COL13A1: variants seen among roughly 807,000 people sequenced by gnomAD.
The protein encoded by COL13A1 is collagen type XIII alpha 1 chain.
In COL13A1, 89 loss-of-function variants were observed where a neutral mutation model predicts 130.9. The ratio of observed to expected loss-of-function variants is 0.68; its 90% CI spans 0.57 to 0.81. COL13A1 has a LOEUF of 0.81. COL13A1 is among the 30% of genes least tolerant of loss of function. The pLI is 0.00. For missense variants in COL13A1, 879 were observed against 934.6 expected (o/e 0.94, Z 0.78); for synonymous variants, 402 against 341.6 (o/e 1.18, Z -1.95).
At chr10:69,938,092 A>C (rs892660637) in intron 34 of COL13A1, among the ~76,000 whole-genome samples, 1 of 152,144 alleles carries the variant, frequency 6.6e-6, no homozygotes, top group African/African-American at 2.4e-5. Context: ...ATTACAGTCC[A>C]TTTTCCCAGA....
chr10:69,823,488 C>A (rs1324486029), intron 2 of COL13A1, among the ~76,000 whole-genome samples: 1 of 152,230 alleles, frequency 6.6e-6, no homozygotes. Context: ...TCGATACCCA[C>A]GGTGGCAGGT....
At chr10:69,949,945 T>C (rs1413873388) in intron 38 of COL13A1, among the ~76,000 whole-genome samples, 1 of 144,316 alleles carries the variant, frequency 6.9e-6, no homozygotes, top group Admixed American at 7.2e-5. Flanking sequence ...TGTGTGTGTG[T>C]GTGCGTGTGT....
chr10:69,944,459 C>T (rs2068143328), intron 36 of COL13A1, among the ~76,000 whole-genome samples: 4 of 152,082 alleles, frequency 2.6e-5, no homozygotes, highest in South Asian at 4.1e-4. Context: ...AGTCTGAGAC[C>T]AGCCTGGACA....
At chr10:69,842,827 G>A (rs1300263045) in intron 2 of COL13A1, among the ~76,000 whole-genome samples, 1 of 152,180 alleles carries the variant, frequency 6.6e-6, no homozygotes, top group Non-Finnish European at 1.5e-5. Flanking sequence ...CTCCCTGCCA[G>A]GCCTGCTGGG....
intron 38 of COL13A1, among the ~76,000 whole-genome samples, chr10:69,947,651 G>A (rs2068756336): frequency 6.6e-6 from 1 of 152,036 alleles, no homozygotes. Flanking sequence ...CCTGATTGTG[G>A]GCCCCTACGT....
chr10:69,848,857 G>A (rs1007444326), intron 2 of COL13A1, among the ~76,000 whole-genome samples: 4 of 152,220 alleles, frequency 2.6e-5, no homozygotes, highest in African/African-American at 9.7e-5. Context: ...CCTTCTCTTT[G>A]TGGCTCAGGT....
intron 37 of COL13A1, among the ~76,000 whole-genome samples, chr10:69,946,090 CAAA>C (rs772972376): frequency 3.7e-5 from 4 of 108,318 alleles, no homozygotes; most frequent in Admixed American, 9.4e-5. Context: ...ACACACAAAC[CAAA>C]AAAAAAAAAA....
intron 1 of COL13A1, among the ~76,000 whole-genome samples, chr10:69,815,819 A>G (rs766259004): frequency 1.3e-5 from 2 of 152,172 alleles, no homozygotes; most frequent in Non-Finnish European, 2.9e-5. Context: ...AGAACAGAAA[A>G]AAGTATCCAG....
Position 69,877,912 on chromosome 10 carries a change from T to C in COL13A1, c.436-127T>C, listed in dbSNP as rs1409237601. 5 of 645,818 alleles carry C rather than the reference T, an allele frequency of 7.7e-6. No homozygotes were observed. In the Admixed American group the frequency reaches 1.1e-4, roughly 15 times the overall value. 40.0% of individuals were successfully genotyped at this position (645,818 alleles called of 1,614,324 possible). On this transcript the variant is annotated intron_variant, in intron 5 of 40. Transcript: ENST00000645393. The stretch of plus-strand genomic sequence containing the variant: ...TTTTGCTTTGTTTCTTATTTCACAG[T>C]GATTTCTTCTGTTTGGTTGTTGTGC...
chr10:69,893,003 G>T (rs1440699529), intron 10 of COL13A1, among the ~76,000 whole-genome samples: 1 of 152,114 alleles, frequency 6.6e-6, no homozygotes, highest in Non-Finnish European at 1.5e-5. Context: ...GTCACCTGTG[G>T]TCTGGGCCCG....
chr10:69,856,967 C>A (rs1029870214), intron 2 of COL13A1, among the ~76,000 whole-genome samples: 1 of 152,218 alleles, frequency 6.6e-6, no homozygotes, highest in African/African-American at 2.4e-5. Context: ...ACCTCGCCCA[C>A]ACAAGGGCTG....
intron 1 of COL13A1, among the ~76,000 whole-genome samples, chr10:69,821,942 C>G (rs1455850726): frequency 6.6e-6 from 1 of 152,172 alleles, no homozygotes; most frequent in African/African-American, 2.4e-5. Context: ...GCCCAGCTTG[C>G]AAATGCTAGC....
intron 2 of COL13A1, among the ~76,000 whole-genome samples, chr10:69,834,872 C>A (rs1849645628): frequency 6.6e-6 from 1 of 152,192 alleles, no homozygotes; most frequent in South Asian, 2.1e-4. Flanking sequence ...GAAGCCCATT[C>A]TGAGCTTGTG....
chr10:69,853,128 T>A (rs760146625), intron 2 of COL13A1, among the ~76,000 whole-genome samples: 1 of 152,124 alleles, frequency 6.6e-6, no homozygotes, highest in African/African-American at 2.4e-5. Flanking sequence ...CCCTGCCCCC[T>A]CTAAAAAGCA....
intron 2 of COL13A1, among the ~76,000 whole-genome samples, chr10:69,834,155 G>A (rs923705925): frequency 1.3e-5 from 2 of 152,164 alleles, no homozygotes; most frequent in African/African-American, 4.8e-5. Flanking sequence ...CAGATCAGCA[G>A]ACATTAGTTC....
chr10:69,925,960 G>C (rs757640125), intron 26 of COL13A1, 88 bp downstream of exon 26: 3 of 1,127,914 alleles, frequency 2.7e-6, no homozygotes, highest in Non-Finnish European at 3.9e-6. Flanking sequence ...CCACACAGCC[G>C]AGTAGGGGCC....
intron 2 of COL13A1, among the ~76,000 whole-genome samples, chr10:69,828,065 C>T (rs1027257197): frequency 4.6e-5 from 7 of 152,170 alleles, no homozygotes; most frequent in Admixed American, 2.0e-4. Context: ...TATACTGTTT[C>T]AGGTAGCTCC....
intron 2 of COL13A1, among the ~76,000 whole-genome samples, chr10:69,857,118 G>A (rs915313994): frequency 6.6e-6 from 1 of 152,146 alleles, no homozygotes; most frequent in Admixed American, 6.5e-5. Context: ...GCCTGAATCT[G>A]TAAAATTGGG....
intron 10 of COL13A1, among the ~76,000 whole-genome samples, chr10:69,890,486 G>A (rs2061064656): frequency 6.6e-6 from 1 of 152,270 alleles, no homozygotes; most frequent in Admixed American, 6.5e-5. Flanking sequence ...GTGCAGGGTG[G>A]TGAAAGCAAC....
Sources: gnomAD v4.1 joint callset for allele counts (sites outside exome capture counted in the v4.1 genomes callset) on GRCh38, gnomAD v4.1.1 for gene constraint, MANE v1.5 for transcripts, NCBI Gene and HGNC (gene_info 2026-07-23, HGNC 2026-07-21) for gene names.